Variants in NAV3 observed in about 807,000 individuals in gnomAD.
The protein encoded by NAV3 is neuron navigator 3, also known as pore membrane and/or filament interacting like protein 1.
A neutral mutation model predicts 244.7 loss-of-function variants in NAV3; 87 were observed. The ratio of observed to expected loss-of-function variants is 0.36; its 90% CI spans 0.30 to 0.42. NAV3 has a LOEUF of 0.42. Among genes scored for constraint, NAV3 ranks in the 20% least tolerant of loss-of-function variants. The pLI is 1.00. For missense variants in NAV3, 2,663 were observed against 2,893.3 expected, an observed-to-expected ratio of 0.92 and a Z score of 1.83; for synonymous variants, 1,126 against 1,042.2, an observed-to-expected ratio of 1.08 and a Z score of -1.55.
chr12:77,821,194 G>T (rs1357953071), intron 2 of NAV3, among the ~76,000 whole-genome samples: 4 of 152,008 alleles, frequency 2.6e-5, no homozygotes, highest in African/African-American at 9.7e-5. Flanking sequence ...TATTGATGGG[G>T]TAGCTTTTCT....
At chr12:78,110,162 A>G (rs2370376) in intron 12 of NAV3, among the ~76,000 whole-genome samples, 112,471 of 151,768 alleles carry the variant, frequency 0.74, 41,904 homozygotes, top group Middle Eastern at 0.78. Context: ...AAAATAGCTA[A>G]GAAAGAAATC....
intron 39 of NAV3, 21 bp downstream of exon 39, chr12:78,205,159 T>C: frequency 6.2e-7 from 1 of 1,606,030 alleles, no homozygotes; most frequent in Non-Finnish European, 8.5e-7. Flanking sequence ...GATGTTCATT[T>C]CTTCCTATGT....
intron 2 of NAV3, among the ~76,000 whole-genome samples, chr12:77,722,526 G>C (rs1876685027): frequency 6.6e-6 from 1 of 152,010 alleles, no homozygotes; most frequent in African/African-American, 2.4e-5. Flanking sequence ...CCTAGTTGTG[G>C]TAATTTTACA....
intron 18 of NAV3, among the ~76,000 whole-genome samples, chr12:78,135,511 A>T (rs921449779): frequency 1.9e-4 from 29 of 152,210 alleles, no homozygotes; most frequent in Admixed American, 7.9e-4. Context: ...TTTAGGTAAG[A>T]ATTATACAAA....
chr12:77,945,891 GGT>G (rs1890290695), intron 3 of NAV3, among the ~76,000 whole-genome samples: 1 of 151,458 alleles, frequency 6.6e-6, no homozygotes, highest in Admixed American at 6.6e-5. Flanking sequence ...TGGGATTACA[GGT>G]GCCCACCACC....
chr12:77,892,965 T>C (rs937799421), intron 1 of NAV3, among the ~76,000 whole-genome samples: 5 of 152,280 alleles, frequency 3.3e-5, no homozygotes, highest in African/African-American at 1.2e-4. Context: ...GAAGTAGCAT[T>C]ACTATAAATT....
At chr12:77,828,602 G>T (rs1349495693), upstream of NAV3, among the ~76,000 whole-genome samples, 2 of 151,762 alleles carry the variant, frequency 1.3e-5, no homozygotes, top group Non-Finnish European at 2.9e-5. Context: ...AAAACGGTGT[G>T]GTTCTTTTAA....
intron 2 of NAV3, among the ~76,000 whole-genome samples, chr12:77,622,411 A>G (rs1871413709): frequency 1.3e-5 from 2 of 151,952 alleles, no homozygotes; most frequent in South Asian, 4.2e-4. Flanking sequence ...TGCCCGCCTC[A>G]GCCTTCCAAA....
At chr12:78,095,064 T>TATATATATAC (rs1272776469) in intron 12 of NAV3, among the ~76,000 whole-genome samples, 11 of 137,584 alleles carry the variant, frequency 8.0e-5, no homozygotes, top group African/African-American at 2.2e-4. Flanking sequence ...TATATATATA[T>TATATATATAC]ACACACACAC....
chr12:77,868,333 G>C (rs1880400352), intron 1 of NAV3, among the ~76,000 whole-genome samples: 1 of 152,034 alleles, frequency 6.6e-6, no homozygotes, highest in African/African-American at 2.4e-5. Context: ...AATAACGTAT[G>C]TTATTCTATT....
chr12:77,884,044 T>C (rs2136649873), intron 1 of NAV3, among the ~76,000 whole-genome samples: 1 of 152,288 alleles, frequency 6.6e-6, no homozygotes, highest in South Asian at 2.1e-4. Flanking sequence ...CTTTGATAGG[T>C]GTTTCATTCA....
At position 77,895,130 on chromosome 12, in the gene NAV3, G is replaced by GA. The variant is rs912762309; in HGVS notation, c.244-45179dup. The stretch of plus-strand genomic sequence containing the variant: ...TAGAAAAAGGACAGGAGTGTTTCTT[G>GA]AAAAAAAAAATTCTCACAGATTCAC... On this transcript the variant is annotated intron_variant, in intron 1 of 39. Coordinates refer to ENST00000397909, the MANE Select transcript of NAV3 (RefSeq NM_001024383.2). Among the ~76,000 whole-genome samples the GA allele has an allele frequency of 1.1e-4, 16 of 149,670 alleles. No homozygotes were observed. In the South Asian group the frequency reaches 1.3e-3, roughly 12 times the overall value.
intron 5 of NAV3, among the ~76,000 whole-genome samples, chr12:77,977,429 A>G (rs897218301): frequency 2.0e-5 from 3 of 152,082 alleles, no homozygotes; most frequent in African/African-American, 7.2e-5. Flanking sequence ...ATGGAATAAC[A>G]TCTTTATTTC....
chr12:78,151,045 C>T (rs1336112539), intron 22 of NAV3, among the ~76,000 whole-genome samples: 1 of 148,766 alleles, frequency 6.7e-6, no homozygotes, highest in African/African-American at 2.5e-5. Context: ...ATAGTGTTTC[C>T]CTAGGGGAAC....
intron 2 of NAV3, among the ~76,000 whole-genome samples, chr12:77,575,438 C>A (rs1869034937): frequency 6.6e-6 from 1 of 152,074 alleles, no homozygotes; most frequent in Admixed American, 6.6e-5. Flanking sequence ...TAACCCAGCT[C>A]TTGGCATTCA....
rs780708035 is a variant in NAV3, at chr12:78,119,453, T to C, written c.3257T>C (p.Ile1086Thr). Residue 1086 changes from isoleucine to threonine, a missense_variant, in exon 15 of 40, where the codon ATA (isoleucine) becomes ACA (threonine). Around this residue, in one of 6 missense-constraint regions of NAV3, gnomAD observed 1,521 missense variants for 1,497.0 expected, o/e 1.02. Coordinates refer to ENST00000397909, the MANE Select transcript of NAV3 (RefSeq NM_001024383.2). Reference sequence around the variant, plus strand: ...ATGATCACCAGCAGTGGAGCAACCATAACAAGTGGCTCTGCAACACTGGGT... The same window carrying C: ...ATGATCACCAGCAGTGGAGCAACCACAACAAGTGGCTCTGCAACACTGGGT... Reference protein sequence around the residue: ...SAMITSSGATITSGSATLGKI... With the variant: ...SAMITSSGATTTSGSATLGKI... 5.0e-6 allele frequency: 8 copies of C among 1,614,024 alleles called. No homozygotes were observed. The East Asian group carries it at 8.9e-5, about 18-fold the overall frequency.
chr12:77,694,822 C>G (rs565283199), intron 2 of NAV3, among the ~76,000 whole-genome samples: 1 of 152,224 alleles, frequency 6.6e-6, no homozygotes, highest in East Asian at 1.9e-4. Context: ...TAGGCTTTGT[C>G]CATAATTATG....
Position 77,755,583 on chromosome 12 carries a change from C to CTTTCCTTTCCTT in NAV3, c.72+183318_72+183319insTTCCTTTCCTTT, listed in dbSNP as rs770337739. ...CTTTCCTTTCCTTTCCTTTCCTTTC[C>CTTTCCTTTCCTT]TCCCTCCCTCCCTCCCTCCCTCCCT... On this transcript the variant is annotated intron_variant, in intron 2 of 8. Coordinates refer to the NAV3 transcript ENST00000550042. 1.3e-3 allele frequency among the ~76,000 whole-genome samples: 32 copies of CTTTCCTTTCCTT among 25,160 alleles called. 1 individual carries two copies. Among genetic ancestry groups the CTTTCCTTTCCTT allele is most frequent in the African/African-American group, 1.7e-3 (7 of 4,022 alleles). 16.5% of individuals were successfully genotyped at this position (25,160 alleles called of 152,430 possible).
At chr12:77,761,704 A>C (rs1490731094) in intron 2 of NAV3, among the ~76,000 whole-genome samples, 2 of 152,248 alleles carry the variant, frequency 1.3e-5, no homozygotes, top group African/African-American at 4.8e-5. Context: ...CATTAGAGAA[A>C]TGCAAATCAA....
Sources: allele counts gnomAD v4.1 joint callset (sites outside exome capture counted in the v4.1 genomes callset), GRCh38; gene constraint gnomAD v4.1.1; regional missense constraint gnomAD v4.1.1; transcripts MANE v1.5; gene names NCBI Gene and HGNC (gene_info 2026-07-23, HGNC 2026-07-21).